Variants in KHDRBS2 observed in about 807,000 individuals in gnomAD.
KHDRBS2 encodes KH RNA binding domain containing, signal transduction associated 2.
KHDRBS2 carries 26 observed loss-of-function variants against 44.3 expected under a neutral mutation model. That is an observed-to-expected ratio of 0.59 (90% CI 0.43 to 0.81). The LOEUF (loss-of-function observed/expected upper bound fraction) is 0.81. KHDRBS2 is among the 40% of genes least tolerant of loss of function. The pLI is 0.00. For synonymous variants in KHDRBS2, 194 were observed against 151.1 expected (o/e 1.28, Z -2.08); for missense variants, 476 against 433.1 (o/e 1.10, Z -0.88).
intron 6 of KHDRBS2, among the ~76,000 whole-genome samples, chr6:61,835,815 G>T (rs563811711): frequency 6.6e-6 from 1 of 151,538 alleles, no homozygotes; most frequent in East Asian, 1.9e-4. Context: ...AAGGTACTAA[G>T]AAAATTAATA....
rs80341092 is a variant in KHDRBS2 at position 62,230,449 on chromosome 6, T to C, written c.92-53137A>G. Among the ~76,000 whole-genome samples, 1,337 of 152,270 alleles carry C rather than the reference T, an allele frequency of 8.8e-3. 9 individuals are homozygous for C. Among genetic ancestry groups the C allele is most frequent in the Non-Finnish European group, 0.015 (1,029 of 68,000 alleles). ...TTCATCTTGGACATCCATTTTATAATAGGGCAATGACCTTCCATCTTTTTA... is the reference window on the plus strand; with the variant it reads ...TTCATCTTGGACATCCATTTTATAACAGGGCAATGACCTTCCATCTTTTTA... On this transcript the variant is annotated intron_variant, in intron 1 of 8. Coordinates refer to ENST00000281156, the MANE Select transcript of KHDRBS2 (RefSeq NM_152688.4).
At chr6:61,772,812 C>T (rs1781190059) in intron 6 of KHDRBS2, among the ~76,000 whole-genome samples, 1 of 151,864 alleles carries the variant, frequency 6.6e-6, no homozygotes, top group South Asian at 2.1e-4. Context: ...CACAACAGTC[C>T]CCAGAGTGTG....
chr6:62,159,524 A>G (rs1362673402), intron 2 of KHDRBS2, among the ~76,000 whole-genome samples: 1 of 152,100 alleles, frequency 6.6e-6, no homozygotes, highest in Non-Finnish European at 1.5e-5. Context: ...CTGTGCTTCC[A>G]TAAGTGGGAG....
chr6:62,095,005 C>A (rs1800270226), intron 2 of KHDRBS2, among the ~76,000 whole-genome samples: 1 of 151,786 alleles, frequency 6.6e-6, no homozygotes, highest in Non-Finnish European at 1.5e-5. Context: ...CTACCACCAG[C>A]TTTGTTGTTT....
chr6:62,216,709 T>TG (rs1409901678), intron 1 of KHDRBS2, among the ~76,000 whole-genome samples: 1 of 150,590 alleles, frequency 6.6e-6, no homozygotes, highest in African/African-American at 2.4e-5. Context: ...TTTTTTTTTT[T>TG]TGTTTTATTA....
intron 7 of KHDRBS2, among the ~76,000 whole-genome samples, chr6:61,728,012 T>A (rs756021269): frequency 6.6e-6 from 1 of 152,026 alleles, no homozygotes; most frequent in Non-Finnish European, 1.5e-5. Context: ...AGCAAAGACA[T>A]GGAATCAACC....
At chr6:61,943,272 A>T (rs183879706) in intron 4 of KHDRBS2, among the ~76,000 whole-genome samples, 1 of 152,110 alleles carries the variant, frequency 6.6e-6, no homozygotes, top group African/African-American at 2.4e-5. Flanking sequence ...CTACACCTGG[A>T]GGAAAACAAA....
chr6:61,944,003 A>G lies in KHDRBS2; in HGVS notation c.483+34063T>C, dbSNP rs1210664736. Among the ~76,000 whole-genome samples, 5 of 152,268 alleles carry G rather than the reference A, an allele frequency of 3.3e-5. 1 individual carries two copies. Among genetic ancestry groups the G allele is most frequent in the Admixed American group, 2.0e-4 (3 of 15,286 alleles). On this transcript the variant is annotated intron_variant, in intron 4 of 8. Coordinates refer to ENST00000281156, the MANE Select transcript of KHDRBS2 (RefSeq NM_152688.4). ...ATAGCTATTATGAAAAAGACAAAAA[A>G]CAAACAAACCCACGAATGCTGGTGA...
chr6:62,094,922 T>C (rs1159755268), intron 2 of KHDRBS2, among the ~76,000 whole-genome samples: 2 of 151,876 alleles, frequency 1.3e-5, no homozygotes, highest in Non-Finnish European at 2.9e-5. Context: ...TGGTCTATGT[T>C]TCTGTTTTTA....
At chr6:62,076,615 G>A (rs997137917) in intron 2 of KHDRBS2, among the ~76,000 whole-genome samples, 3 of 152,040 alleles carry the variant, frequency 2.0e-5, no homozygotes, top group African/African-American at 7.2e-5. Context: ...CCAGATTAAA[G>A]GGTCTTGATG....
At chr6:61,597,325 T>C in the KHDRBS2 span, among the ~76,000 whole-genome samples, 1 of 152,064 alleles carries the variant, frequency 6.6e-6, no homozygotes, top group East Asian at 1.9e-4. Context: ...TTAATTTAGA[T>C]TCTGTGTCTT....
chr6:62,203,462 C>T (rs12215858), intron 1 of KHDRBS2, among the ~76,000 whole-genome samples: 44,493 of 151,928 alleles, frequency 0.29, 7,932 homozygotes, highest in Middle Eastern at 0.44. Flanking sequence ...TAATAAAAGA[C>T]TTCTGTGTTT....
At chr6:61,664,037 G>A in the KHDRBS2 span, among the ~76,000 whole-genome samples, 3 of 151,722 alleles carry the variant, frequency 2.0e-5, no homozygotes, top group African/African-American at 4.8e-5. Flanking sequence ...AGAAATAACC[G>A]GGTCAAACCA....
At chr6:62,156,639 TTTTG>T (rs537577710) in intron 2 of KHDRBS2, among the ~76,000 whole-genome samples, 1,751 of 152,202 alleles carry the variant, frequency 0.012, 19 homozygotes, top group Non-Finnish European at 0.015. Context: ...ATTTTGTAGC[TTTTG>T]TTTGTTTGTT....
chr6:62,177,169 G>T lies in KHDRBS2; in HGVS notation c.219+16C>A. The T allele has an allele frequency of 1.4e-6, 2 of 1,450,782 alleles. No homozygotes were observed. The highest frequency in any genetic ancestry group is 1.9e-6 in the Non-Finnish European group (2 of 1,053,682). 89.9% of individuals were successfully genotyped at this position (1,450,782 alleles called of 1,614,324 possible). A position where few individuals can be genotyped will look rare whatever the true frequency, so the allele number is the denominator to read the frequency against. ...TCTAAATCAATTATATGAGAACAAA[G>T]TATATATGGTAGTACCTTTGGATAC... On this transcript the variant is annotated intron_variant, in intron 2 of 8. Coordinates refer to ENST00000281156, the MANE Select transcript of KHDRBS2 (RefSeq NM_152688.4).
intron 6 of KHDRBS2, among the ~76,000 whole-genome samples, chr6:61,745,460 A>C (rs1776727850): frequency 1.3e-5 from 2 of 152,128 alleles, no homozygotes; most frequent in South Asian, 4.1e-4. Flanking sequence ...ATCTATTTTA[A>C]ATGTGTTAAT....
At chr6:62,199,746 C>T (rs980426415) in intron 1 of KHDRBS2, among the ~76,000 whole-genome samples, 6 of 152,066 alleles carry the variant, frequency 3.9e-5, no homozygotes, top group East Asian at 1.9e-4. Flanking sequence ...TTAAAGTTCA[C>T]ATGGAACCAA....
chr6:61,727,529 A>C (rs1038047882), intron 7 of KHDRBS2, among the ~76,000 whole-genome samples: 1 of 152,198 alleles, frequency 6.6e-6, no homozygotes, highest in African/African-American at 2.4e-5. Flanking sequence ...AAAATTTTGC[A>C]ACCTATCCAT....
At position 61,679,976 on chromosome 6, in the gene KHDRBS2, T is replaced by G. The variant is rs1766151321; in HGVS notation, c.*987A>C. On this transcript the variant is annotated 3_prime_UTR_variant, in exon 9 of 9. Coordinates refer to ENST00000281156, the MANE Select transcript of KHDRBS2 (RefSeq NM_152688.4). ...GCTTAGAGGATAGTTTAAAATCCAT[T>G]TATTATTCTAAATCCATTTTTTTCC... is the stretch of plus-strand genomic sequence containing the variant. The G allele has an allele frequency of 6.6e-6, 1 of 151,984 alleles. No individual in the cohort carries two copies. The allele number at this position is 151,984 out of a possible 1,614,324, so 9.4% of individuals were successfully genotyped here.
Sources: allele counts gnomAD v4.1 joint callset (sites outside exome capture counted in the v4.1 genomes callset), GRCh38; gene constraint gnomAD v4.1.1; transcripts MANE v1.5; gene names NCBI Gene and HGNC (gene_info 2026-07-23, HGNC 2026-07-21).